Variants in SGCD observed in about 807,000 individuals in gnomAD.
SGCD encodes the protein sarcoglycan delta, also known as delta-sarcoglycan.
SGCD carries 18 observed loss-of-function variants against 36.6 expected under a neutral mutation model. The ratio of observed to expected loss-of-function variants is 0.49; its 90% CI spans 0.34 to 0.73. SGCD has a LOEUF of 0.73. Among genes scored for constraint, SGCD ranks in the 30% least tolerant of loss-of-function variants. The probability of loss-of-function intolerance (pLI) is 0.01; values close to 1 mark genes in which losing one functional copy is unlikely to be tolerated. For synonymous variants in SGCD, 133 were observed against 130.6 expected (o/e 1.02, Z -0.12); for missense variants, 387 against 346.7 (o/e 1.12, Z -0.92).
At position 156,067,802 on chromosome 5, in the gene SGCD, C is replaced by G. The variant is rs1312892758; in HGVS notation, c.-281-50076C>G. On this transcript the variant is annotated intron_variant, in intron 1 of 9. Coordinates refer to the SGCD transcript ENST00000517913. Reference sequence around the variant, plus strand: ...CAATGCCTCGCTCTGCTTCGGCTCGCGCACGGTGCGCACACACACTGGCCT... The same window carrying G: ...CAATGCCTCGCTCTGCTTCGGCTCGGGCACGGTGCGCACACACACTGGCCT... Among the ~76,000 whole-genome samples, 62 of 138,530 alleles carry G rather than the reference C, an allele frequency of 4.5e-4. 2 individuals are homozygous for G. Among genetic ancestry groups the G allele is most frequent in the Admixed American group, 1.3e-3 (19 of 14,596 alleles). 90.9% of individuals were successfully genotyped at this position (138,530 alleles called of 152,430 possible). A position where few individuals can be genotyped will look rare whatever the true frequency, so the allele number is the denominator to read the frequency against.
intron 1 of SGCD, among the ~76,000 whole-genome samples, chr5:156,089,877 C>T (rs1761197168): frequency 6.6e-6 from 1 of 152,108 alleles, no homozygotes; most frequent in African/African-American, 2.4e-5. Flanking sequence ...TCGGATAAAC[C>T]AGGGCCTCAG....
At chr5:156,493,066 TG>T (rs1561732558) in intron 3 of SGCD, among the ~76,000 whole-genome samples, 1 of 152,162 alleles carries the variant, frequency 6.6e-6, no homozygotes, top group Non-Finnish European at 1.5e-5. Context: ...TATAATCCTT[TG>T]GGTATATACC....
chr5:156,032,594 G>A (rs747238707), intron 1 of SGCD, among the ~76,000 whole-genome samples: 7 of 149,874 alleles, frequency 4.7e-5, no homozygotes, highest in Non-Finnish European at 8.9e-5. Flanking sequence ...GGCAGGCGCC[G>A]GTATTCTCAG....
rs528106654 is a variant in SGCD, at chr5:156,144,935, G to A, written c.-44+20916G>A. ...TTAGACTTTTGACTTTAGAGTTAATGCTAGAATGAGTTAAGACTTTGGTGA... is the reference window on the plus strand; with the variant it reads ...TTAGACTTTTGACTTTAGAGTTAATACTAGAATGAGTTAAGACTTTGGTGA... On this transcript the variant is annotated intron_variant, in intron 3 of 9. Coordinates refer to the SGCD transcript ENST00000517913. Among the ~76,000 whole-genome samples, 6 of 152,322 alleles carry A rather than the reference G, an allele frequency of 3.9e-5. No individual in the cohort carries two copies. In the East Asian group the frequency reaches 1.2e-3, roughly 29 times the overall value.
chr5:156,381,379 T>C (rs1336690741), intron 3 of SGCD, among the ~76,000 whole-genome samples: 2 of 152,198 alleles, frequency 1.3e-5, no homozygotes, highest in African/African-American at 4.8e-5. Flanking sequence ...GAATACCATT[T>C]TTCATTCTTG....
chr5:156,672,150 A>G (rs1753323868), intron 7 of SGCD, among the ~76,000 whole-genome samples: 1 of 152,144 alleles, frequency 6.6e-6, no homozygotes, highest in Non-Finnish European at 1.5e-5. Context: ...TGGGCTGGTC[A>G]TTTTCCCCAG....
chr5:156,589,268 C>T lies in SGCD; in HGVS notation c.332C>T (p.Thr111Ile). Residue 111 changes from threonine (T) to isoleucine (I), a missense_variant, in exon 5 of 9, where the codon ACA (threonine) becomes ATA (isoleucine). Coordinates refer to ENST00000337851, the MANE Select transcript of SGCD (RefSeq NM_000337.6). ...ALYFKSARNVTVNILNDQTKV... is the reference protein window; with the variant it reads ...ALYFKSARNVIVNILNDQTKV... ...TACTTCAAGTCTGCCAGAAATGTTA[C>T]AGTGAACATTCTCAATGACCAGACT... The T allele has an allele frequency of 6.3e-7, 1 of 1,575,220 alleles. No individual in the cohort carries two copies. The highest frequency in any genetic ancestry group is 1.7e-4 in the Middle Eastern group (1 of 6,022).
At chr5:156,443,725 G>T (rs1006855351) in intron 3 of SGCD, among the ~76,000 whole-genome samples, 5 of 152,050 alleles carry the variant, frequency 3.3e-5, no homozygotes, top group African/African-American at 1.2e-4. Flanking sequence ...ACTTCTCTGG[G>T]ATTCAATTCC....
At chr5:155,910,169 A>T (rs1354962005) in intron 1 of SGCD, among the ~76,000 whole-genome samples, 2 of 151,998 alleles carry the variant, frequency 1.3e-5, no homozygotes, top group Non-Finnish European at 2.9e-5. Context: ...TGCCATCACT[A>T]CCTTCCCAGC....
intron 4 of SGCD, among the ~76,000 whole-genome samples, chr5:156,579,447 G>A (rs1255545863): frequency 6.6e-6 from 1 of 152,186 alleles, no homozygotes; most frequent in Non-Finnish European, 1.5e-5. Context: ...GCAGAGCTGA[G>A]TTCAAGTCCT....
the SGCD span, among the ~76,000 whole-genome samples, chr5:155,737,013 C>A: frequency 6.6e-6 from 1 of 152,202 alleles, no homozygotes; most frequent in African/African-American, 2.4e-5. Context: ...TAAGTGGGAT[C>A]TTTAGAGAAC....
At chr5:156,598,113 T>C in intron 6 of SGCD, among the ~76,000 whole-genome samples, 1 of 152,248 alleles carries the variant, frequency 6.6e-6, no homozygotes, top group East Asian at 1.9e-4. Flanking sequence ...TGCACTTCAC[T>C]ACATGTAAAT....
At chr5:156,082,558 A>G (rs1234379352) in intron 1 of SGCD, among the ~76,000 whole-genome samples, 1 of 152,208 alleles carries the variant, frequency 6.6e-6, no homozygotes, top group Non-Finnish European at 1.5e-5. Flanking sequence ...ATATATCAGT[A>G]GCCTGTTCCT....
At chr5:156,467,224 C>A (rs924239779) in intron 3 of SGCD, among the ~76,000 whole-genome samples, 1 of 152,052 alleles carries the variant, frequency 6.6e-6, no homozygotes, top group African/African-American at 2.4e-5. Context: ...CTAAGAATTT[C>A]GTTTTTGGTA....
intron 7 of SGCD, among the ~76,000 whole-genome samples, chr5:156,733,463 C>T (rs1756184538): frequency 1.3e-5 from 2 of 151,852 alleles, no homozygotes; most frequent in African/African-American, 4.8e-5. Context: ...GAGTAACTGC[C>T]ATGTGGCAAT....
intron 6 of SGCD, among the ~76,000 whole-genome samples, chr5:156,619,023 CT>C (rs536840593): frequency 0.11 from 15,395 of 141,204 alleles, 984 homozygotes; most frequent in Admixed American, 0.17. Flanking sequence ...GAGCCAATTC[CT>C]TTTTTTTTTT....
the SGCD span, among the ~76,000 whole-genome samples, chr5:155,754,369 G>A: frequency 2.0e-5 from 3 of 152,180 alleles, no homozygotes; most frequent in Non-Finnish European, 4.4e-5. Flanking sequence ...CAGTGAGCAG[G>A]CAGGCCATGA....
At chr5:155,754,562 A>G in the SGCD span, among the ~76,000 whole-genome samples, 3 of 152,216 alleles carry the variant, frequency 2.0e-5, no homozygotes, top group Non-Finnish European at 4.4e-5. Context: ...GGAACTATAC[A>G]ACAATTACCC....
chr5:155,757,090 G>A, the SGCD span, among the ~76,000 whole-genome samples: 2 of 152,202 alleles, frequency 1.3e-5, no homozygotes, highest in East Asian at 1.9e-4. Context: ...TGTCAATGGG[G>A]CTTCTGCCTT....
Sources: allele counts gnomAD v4.1 joint callset (sites outside exome capture counted in the v4.1 genomes callset), GRCh38; gene constraint gnomAD v4.1.1; transcripts MANE v1.5; gene names NCBI Gene and HGNC (gene_info 2026-07-23, HGNC 2026-07-21).